EYS: variants seen among roughly 807,000 people sequenced by gnomAD.
The protein encoded by EYS is protein eyes shut homolog.
Under a neutral mutation model 282.1 loss-of-function variants are expected in EYS, and 250 were observed. The observed-to-expected ratio is 0.89, with a 90% CI of 0.80 to 0.98. The LOEUF (loss-of-function observed/expected upper bound fraction) is 0.98. EYS is among the 50% of genes least tolerant of loss of function. The pLI is 0.00. For synonymous variants in EYS, 1,355 were observed against 1,282.9 expected (o/e 1.06, Z -1.20); for missense variants, 4,016 against 3,709.0 (o/e 1.08, Z -2.15).
intron 42 of EYS, among the ~76,000 whole-genome samples, chr6:63,722,742 A>G (rs1303790287): frequency 2.0e-5 from 3 of 152,088 alleles, no homozygotes; most frequent in Non-Finnish European, 4.4e-5. Flanking sequence ...CTCCCTCCAG[A>G]GTGCCTATTT....
At chr6:65,619,268 C>T (rs1319299061) in intron 2 of EYS, among the ~76,000 whole-genome samples, 3 of 151,416 alleles carry the variant, frequency 2.0e-5, no homozygotes, top group Non-Finnish European at 4.4e-5. Context: ...AGGTCCTTCA[C>T]GTCCCTTGTA....
At chr6:65,545,180 C>G (rs1048547855) in intron 2 of EYS, among the ~76,000 whole-genome samples, 19 of 151,322 alleles carry the variant, frequency 1.3e-4, no homozygotes, top group African/African-American at 4.6e-4. Flanking sequence ...GCCTCAGCTT[C>G]CCAAAGTTCT....
chr6:63,888,669 C>T (rs541112310), intron 35 of EYS, among the ~76,000 whole-genome samples: 1 of 152,314 alleles, frequency 6.6e-6, no homozygotes, highest in African/African-American at 2.4e-5. Flanking sequence ...GTGATAAATC[C>T]ATGAAGATGT....
intron 26 of EYS, among the ~76,000 whole-genome samples, chr6:64,574,156 C>A (rs772175704): frequency 1.3e-5 from 2 of 152,132 alleles, no homozygotes; most frequent in Non-Finnish European, 2.9e-5. Flanking sequence ...AACCATCATT[C>A]TCAGCAAACT....
At chr6:64,526,172 G>A (rs996268143) in intron 26 of EYS, among the ~76,000 whole-genome samples, 4 of 151,738 alleles carry the variant, frequency 2.6e-5, no homozygotes, top group Non-Finnish European at 4.4e-5. Flanking sequence ...GTGATTGCCA[G>A]GGTTTAAGGA....
At chr6:64,648,340 C>T (rs1768429537) in intron 22 of EYS, among the ~76,000 whole-genome samples, 1 of 152,154 alleles carries the variant, frequency 6.6e-6, no homozygotes, top group Non-Finnish European at 1.5e-5. Context: ...CTGGCAGAAG[C>T]TATAAGCTGT....
chr6:64,056,650 G>T (rs1770995844), intron 33 of EYS, among the ~76,000 whole-genome samples: 1 of 152,160 alleles, frequency 6.6e-6, no homozygotes, highest in Admixed American at 6.5e-5. Flanking sequence ...GCAAACAGGA[G>T]AATGTTCCTT....
intron 4 of EYS, among the ~76,000 whole-genome samples, chr6:65,491,978 C>T (rs1327520139): frequency 6.6e-6 from 1 of 152,102 alleles, no homozygotes; most frequent in Non-Finnish European, 1.5e-5. Flanking sequence ...ATGGACCAAG[C>T]AAATAGATCT....
intron 1 of EYS, among the ~76,000 whole-genome samples, chr6:65,644,318 C>T (rs117768467): frequency 8.5e-5 from 13 of 152,140 alleles, no homozygotes; most frequent in Non-Finnish European, 1.5e-4. Context: ...AAAGAAAGAA[C>T]TTCAGAGCTT....
chr6:64,213,555 T>C (rs1331540901), intron 31 of EYS, among the ~76,000 whole-genome samples: 2 of 152,196 alleles, frequency 1.3e-5, no homozygotes, highest in Admixed American at 1.3e-4. Context: ...TTAAATGTGA[T>C]GAAAACCTCT....
intron 5 of EYS, among the ~76,000 whole-genome samples, chr6:65,437,689 A>T (rs1313197792): frequency 6.6e-6 from 1 of 152,116 alleles, no homozygotes; most frequent in Non-Finnish European, 1.5e-5. Context: ...CTGTTACAAA[A>T]ATATTTTCAA....
chr6:64,963,254 A>G (rs1266223603), intron 14 of EYS, among the ~76,000 whole-genome samples: 1 of 152,154 alleles, frequency 6.6e-6, no homozygotes, highest in African/African-American at 2.4e-5. Flanking sequence ...TTAATTTACA[A>G]ATTGGATTTC....
At chr6:65,487,153 GA>G (rs1435147416) in intron 5 of EYS, among the ~76,000 whole-genome samples, 1 of 144,472 alleles carries the variant, frequency 6.9e-6, no homozygotes, top group Non-Finnish European at 1.6e-5. Flanking sequence ...CTTCCTATTT[GA>G]AAACCTTTAT....
Position 64,591,294 on chromosome 6 carries a change from C to T in EYS, c.4573G>A (p.Glu1525Lys). Residue 1525 changes from glutamate (E) to lysine (K), a missense_variant, in exon 26 of 43, where the codon GAA becomes AAA. Transcript: ENST00000503581. ...RFSTKAFNPS[E>K]YQAITEASSN... ...GAAGCCTCAGTAATAGCCTGATATTCACTGGGATTGAAGGCTTTTGTACTG... is the reference window on the plus strand; with the variant it reads ...GAAGCCTCAGTAATAGCCTGATATTTACTGGGATTGAAGGCTTTTGTACTG... 6.4e-7 allele frequency: 1 copy of T among 1,551,344 alleles called. No homozygotes were observed. The highest frequency in any genetic ancestry group is 1.2e-5 in the South Asian group (1 of 84,056).
At chr6:63,859,575 A>C (rs992162295) in intron 36 of EYS, among the ~76,000 whole-genome samples, 1 of 152,188 alleles carries the variant, frequency 6.6e-6, no homozygotes, top group Non-Finnish European at 1.5e-5. Flanking sequence ...GTGATTAAGA[A>C]AACAAAAAAA....
chr6:63,892,381 T>C (rs1446748641), intron 35 of EYS, among the ~76,000 whole-genome samples: 1 of 151,876 alleles, frequency 6.6e-6, no homozygotes, highest in South Asian at 2.1e-4. Context: ...CCAAAACACA[T>C]ACATAGACCA....
chr6:64,678,550 C>T (rs1487702059), intron 22 of EYS, among the ~76,000 whole-genome samples: 1 of 152,102 alleles, frequency 6.6e-6, no homozygotes, highest in Non-Finnish European at 1.5e-5. Flanking sequence ...TGCACTCCAG[C>T]CTGGGCAACA....
At chr6:65,289,112 A>C (rs1338843564) in intron 12 of EYS, among the ~76,000 whole-genome samples, 1 of 151,148 alleles carries the variant, frequency 6.6e-6, no homozygotes, top group African/African-American at 2.4e-5. Context: ...TGAAGTCTCC[A>C]AATAAAAGAT....
At chr6:65,701,629 T>C (rs1294955445) in intron 1 of EYS, among the ~76,000 whole-genome samples, 3 of 152,188 alleles carry the variant, frequency 2.0e-5, no homozygotes, top group African/African-American at 7.2e-5. Context: ...ATTATCTGGA[T>C]AGCTTTTATT....
Sources: gnomAD v4.1 joint callset for allele counts (sites outside exome capture counted in the v4.1 genomes callset) on GRCh38, gnomAD v4.1.1 for gene constraint, MANE v1.5 for transcripts, NCBI Gene and HGNC (gene_info 2026-07-23, HGNC 2026-07-21) for gene names.